FAM210A: variants seen among roughly 807,000 people sequenced by gnomAD.
FAM210A encodes the protein family with sequence similarity 210 member A.
A neutral mutation model predicts 25.3 loss-of-function variants in FAM210A; 13 were observed. That is an observed-to-expected ratio of 0.51 (90% confidence interval 0.33 to 0.82). FAM210A has a LOEUF of 0.82. Among genes scored for constraint, FAM210A ranks in the 40% least tolerant of loss-of-function variants. The pLI is 0.02. For missense variants in FAM210A, 319 were observed against 323.2 expected (o/e 0.99, Z 0.10); for synonymous variants, 125 against 118.7 (o/e 1.05, Z -0.35).
At chr18:13,691,745 G>C (rs2043646242) in intron 1 of FAM210A, among the ~76,000 whole-genome samples, 1 of 145,820 alleles carries the variant, frequency 6.9e-6, no homozygotes, top group Admixed American at 7.0e-5. Flanking sequence ...AAGAGCTCCT[G>C]AAGGAGGCAC....
intron 1 of FAM210A, chr18:13,697,401 A>G (rs1250864406): frequency 6.4e-6 from 1 of 155,184 alleles, no homozygotes; most frequent in Non-Finnish European, 1.4e-5. Flanking sequence ...TACAATGCCT[A>G]AAATCCAAAA....
At chr18:13,679,546 C>T (rs1463505640) in intron 2 of FAM210A, among the ~76,000 whole-genome samples, 2 of 151,964 alleles carry the variant, frequency 1.3e-5, no homozygotes, top group Non-Finnish European at 1.5e-5. Flanking sequence ...ATAAAAACCC[C>T]AAGGAGGACT....
intron 3 of FAM210A, among the ~76,000 whole-genome samples, chr18:13,668,032 C>T (rs1290354): frequency 0.92 from 140,266 of 152,300 alleles, 64,643 homozygotes; most frequent in East Asian, 0.97. Context: ...GACTGCACTC[C>T]AGCCTGGGAA....
chr18:13,725,201 A>G (rs569199140), intron 1 of FAM210A, among the ~76,000 whole-genome samples: 1 of 152,252 alleles, frequency 6.6e-6, no homozygotes, highest in South Asian at 2.1e-4. Flanking sequence ...TAATGCTTGT[A>G]TATGCCTATA....
At chr18:13,671,674 A>G (rs2043443438) in intron 3 of FAM210A, among the ~76,000 whole-genome samples, 188 bp downstream of exon 3, 1 of 149,962 alleles carries the variant, frequency 6.7e-6, no homozygotes, top group African/African-American at 2.5e-5. Context: ...GGCAAACAAG[A>G]GCGAAACTCC....
intron 1 of FAM210A, among the ~76,000 whole-genome samples, chr18:13,691,987 T>C (rs1474684662): frequency 8.6e-5 from 12 of 139,032 alleles, no homozygotes; most frequent in South Asian, 2.5e-4. Context: ...GACCCATCAG[T>C]GTGCTGTATT....
At chr18:13,673,652 T>G (rs1183736426) in intron 2 of FAM210A, among the ~76,000 whole-genome samples, 1 of 142,824 alleles carries the variant, frequency 7.0e-6, no homozygotes, top group African/African-American at 2.5e-5. Context: ...CCGACTTCTT[T>G]ATTTCCAGTT....
At chr18:13,689,780 C>T (rs1042716989) in intron 1 of FAM210A, among the ~76,000 whole-genome samples, 2 of 152,176 alleles carry the variant, frequency 1.3e-5, no homozygotes, top group African/African-American at 4.8e-5. Flanking sequence ...TTAAAAGACT[C>T]CTAGAAGTAA....
chr18:13,680,914 G>A (rs150145212), intron 2 of FAM210A, among the ~76,000 whole-genome samples: 19 of 152,122 alleles, frequency 1.2e-4, no homozygotes, highest in Admixed American at 1.2e-3. Flanking sequence ...ACTTTAAATT[G>A]TATGTTTCAA....
intron 1 of FAM210A, among the ~76,000 whole-genome samples, chr18:13,717,403 A>G (rs118154485): frequency 0.029 from 4,454 of 152,244 alleles, 77 homozygotes; most frequent in Middle Eastern, 0.061. Flanking sequence ...CTAGCCTCCC[A>G]AAGTGCTGGG....
At chr18:13,685,222 A>G (rs1195879007) in intron 1 of FAM210A, among the ~76,000 whole-genome samples, 1 of 152,124 alleles carries the variant, frequency 6.6e-6, no homozygotes, top group Admixed American at 6.6e-5. Context: ...CATGACAGAT[A>G]GAGAAGGAAA....
intron 1 of FAM210A, among the ~76,000 whole-genome samples, chr18:13,701,839 G>C (rs561675507): frequency 1.6e-4 from 25 of 152,292 alleles, no homozygotes; most frequent in Non-Finnish European, 3.2e-4. Flanking sequence ...GCTGACTTTG[G>C]ATAAGTTATG....
chr18:13,674,193 T>C (rs2043471838), intron 2 of FAM210A, among the ~76,000 whole-genome samples: 1 of 146,980 alleles, frequency 6.8e-6, no homozygotes, highest in Non-Finnish European at 1.5e-5. Context: ...CTTCTTTATT[T>C]CCTGTTTCCT....
intron 1 of FAM210A, among the ~76,000 whole-genome samples, chr18:13,689,148 G>A (rs1000512414): frequency 6.6e-6 from 1 of 152,134 alleles, no homozygotes. Flanking sequence ...CTTATCTTGT[G>A]TAAAACGTAC....
intron 1 of FAM210A, among the ~76,000 whole-genome samples, chr18:13,725,401 C>T (rs991868694): frequency 1.3e-5 from 2 of 152,144 alleles, no homozygotes; most frequent in African/African-American, 4.8e-5. Context: ...GGGCTAATGC[C>T]CACAATTTAG....
intron 1 of FAM210A, among the ~76,000 whole-genome samples, chr18:13,721,822 GT>G (rs1408812754): frequency 3.3e-5 from 5 of 152,182 alleles, no homozygotes; most frequent in Admixed American, 6.5e-5. Context: ...CCTGGAATTA[GT>G]GTCAGTTCAG....
intron 1 of FAM210A, among the ~76,000 whole-genome samples, chr18:13,686,558 C>A (rs1347372986): frequency 6.6e-6 from 1 of 152,256 alleles, no homozygotes; most frequent in East Asian, 1.9e-4. Flanking sequence ...CAACTTGACT[C>A]TATGCTCCTG....
At position 13,666,381 on chromosome 18, in the gene FAM210A, C is replaced by T. The variant is rs571775136; in HGVS notation, c.*99G>A. The T allele has an allele frequency of 3.6e-5, 31 of 872,326 alleles. No homozygotes were observed. The highest frequency in any genetic ancestry group is 1.3e-4 in the East Asian group (5 of 38,456). 54.0% of individuals were successfully genotyped at this position (872,326 alleles called of 1,614,324 possible). On this transcript the variant is annotated 3_prime_UTR_variant, in exon 4 of 4. Transcript: ENST00000651643. ...TAACCCTCAGAGAACTAGTATATTT[C>T]GGCAACTAACCAAAAAAATAATCAG...
chr18:13,679,146 C>G (rs997193569), intron 2 of FAM210A, among the ~76,000 whole-genome samples: 1 of 152,220 alleles, frequency 6.6e-6, no homozygotes, highest in African/African-American at 2.4e-5. Context: ...TTTTGCTCTA[C>G]GATGCCTAGA....
Sources: allele counts gnomAD v4.1 joint callset (sites outside exome capture counted in the v4.1 genomes callset), GRCh38; gene constraint gnomAD v4.1.1; transcripts MANE v1.5; gene names NCBI Gene and HGNC (gene_info 2026-07-23, HGNC 2026-07-21).